The following TSNARE1 variants were observed in gnomAD, a reference collection of about 807,000 sequenced individuals.
The protein encoded by TSNARE1 is t-SNARE domain-containing protein 1.
In TSNARE1, 49 loss-of-function variants were observed where a neutral mutation model predicts 62.0. The observed-to-expected ratio is 0.79, with a 90% confidence interval of 0.63 to 1.00. The LOEUF is 1.00. Among genes scored for constraint, TSNARE1 ranks in the 50% least tolerant of loss-of-function variants. The pLI, the probability that TSNARE1 is intolerant of heterozygous loss-of-function variation, is 0.00. For missense variants in TSNARE1, 755 were observed against 700.1 expected (o/e 1.08, Z -0.88); for synonymous variants, 328 against 294.4 (o/e 1.11, Z -1.17).
intron 11 of TSNARE1, chr8:142,276,426 GGCCCGGGCAATGCCCCGCTCACGT>G: frequency 1.0e-6 from 1 of 985,470 alleles, no homozygotes; most frequent in African/African-American, 1.7e-5. Flanking sequence ...CGCTAGCCTG[GGCCCGGGCAATGCCCCGCTCACGT>G]GCAAAGGAGC....
At chr8:142,345,062 A>AC in intron 3 of TSNARE1, among the ~76,000 whole-genome samples, 1 of 151,888 alleles carries the variant, frequency 6.6e-6, no homozygotes, top group East Asian at 1.9e-4. Context: ...CGGCAGCCTC[A>AC]CCCCCCTACC....
intron 1 of TSNARE1, among the ~76,000 whole-genome samples, chr8:142,365,139 A>C (rs573475026): frequency 1.7e-4 from 26 of 152,360 alleles, no homozygotes; most frequent in African/African-American, 5.8e-4. Flanking sequence ...GCCATGGGAC[A>C]AGCCAGCACC....
intron 6 of TSNARE1, among the ~76,000 whole-genome samples, chr8:142,325,255 G>T (rs1337625273): frequency 6.6e-6 from 1 of 152,206 alleles, no homozygotes; most frequent in East Asian, 1.9e-4. Context: ...GTCTACAGTT[G>T]TCAGGGTCAT....
At chr8:142,392,337 AG>A (rs935112260) in intron 1 of TSNARE1, among the ~76,000 whole-genome samples, 3 of 152,148 alleles carry the variant, frequency 2.0e-5, no homozygotes, top group Admixed American at 6.5e-5. Context: ...TTTTTTAATA[AG>A]TAAAAGGAGT....
In TSNARE1 at chr8:142,279,896, G is replaced by A. The variant is rs1044128092; in HGVS notation, c.1363+4517C>T. 1.3e-4 allele frequency: 133 copies of A among 1,039,538 alleles called. No homozygotes were observed. In the Middle Eastern group the frequency reaches 2.9e-3, roughly 22 times the overall value. 64.4% of individuals were successfully genotyped at this position (1,039,538 alleles called of 1,614,324 possible). On this transcript the variant is annotated intron_variant, in intron 11 of 13. Coordinates refer to ENST00000524325, the MANE Select transcript of TSNARE1 (RefSeq NM_145003.5). ...TCCGTGGTCTGGCCCTCGCCTTGGG[G>A]ACCGTGGGCAGAAAAGGTCTCTGCC...
chr8:142,381,633 GCAGCAC>G (rs1836756660), intron 1 of TSNARE1, among the ~76,000 whole-genome samples: 1 of 152,174 alleles, frequency 6.6e-6, no homozygotes, highest in Non-Finnish European at 1.5e-5. Flanking sequence ...CAGGAGAAGG[GCAGCAC>G]CCAGGGGAGC....
intron 13 of TSNARE1, among the ~76,000 whole-genome samples, chr8:142,215,341 C>T (rs986177258): frequency 3.9e-5 from 6 of 152,172 alleles, no homozygotes; most frequent in African/African-American, 7.2e-5. Context: ...CTCAACACAA[C>T]GCAGTGTCCT....
At chr8:142,332,829 CAG>C (rs955451758) in intron 4 of TSNARE1, among the ~76,000 whole-genome samples, 21 of 152,186 alleles carry the variant, frequency 1.4e-4, no homozygotes, top group African/African-American at 4.6e-4. Flanking sequence ...AGGGTTTACA[CAG>C]AGGAGCAGAG....
At chr8:142,382,407 C>T (rs1211549173) in intron 1 of TSNARE1, among the ~76,000 whole-genome samples, 2 of 152,216 alleles carry the variant, frequency 1.3e-5, no homozygotes, top group Non-Finnish European at 2.9e-5. Flanking sequence ...CCCCGGGAGG[C>T]CGGCCTCTGC....
chr8:142,347,081 C>G (rs7838124), intron 2 of TSNARE1, among the ~76,000 whole-genome samples: 42,524 of 152,232 alleles, frequency 0.28, 7,741 homozygotes, highest in African/African-American at 0.51. Context: ...CTGCTCTGGA[C>G]TGGGGCACGC....
intron 10 of TSNARE1, among the ~76,000 whole-genome samples, chr8:142,293,576 G>A (rs865977212): frequency 6.6e-6 from 1 of 152,226 alleles, no homozygotes; most frequent in Non-Finnish European, 1.5e-5. Flanking sequence ...CTGAGCCTGG[G>A]ATCCTGGACC....
intron 1 of TSNARE1, among the ~76,000 whole-genome samples, chr8:142,393,789 C>T (rs76844160): frequency 0.022 from 3,293 of 152,310 alleles, 55 homozygotes; most frequent in Non-Finnish European, 0.033. Context: ...GCAAAGGTGG[C>T]CGGTTCACAG....
intron 1 of TSNARE1, among the ~76,000 whole-genome samples, chr8:142,367,746 TATAA>T (rs1278112096): frequency 6.6e-6 from 1 of 152,094 alleles, no homozygotes; most frequent in Non-Finnish European, 1.5e-5. Context: ...TGCATGAAAA[TATAA>T]ATAGACCAAT....
intron 13 of TSNARE1, among the ~76,000 whole-genome samples, chr8:142,227,935 G>C (rs1331367682): frequency 6.6e-6 from 1 of 152,200 alleles, no homozygotes; most frequent in Non-Finnish European, 1.5e-5. Flanking sequence ...CTCAAGTAGG[G>C]CAGCCTTGAG....
Position 142,278,673 on chromosome 8 carries a change from G to A in TSNARE1, c.1364-3810C>T, listed in dbSNP as rs568444501. ...CCAGTGGCAGCTGCGGGCTGCAGAC[G>A]AGGCCTGACCAGACAGAAACGCCTG... On this transcript the variant is annotated intron_variant, in intron 11 of 13. Transcript: ENST00000524325. The A allele has an allele frequency of 4.6e-3, 4,530 of 985,426 alleles. 8 individuals carry two copies. Among genetic ancestry groups the A allele is most frequent in the Non-Finnish European group, 5.0e-3 (4,182 of 829,926 alleles). 61.0% of individuals were successfully genotyped at this position (985,426 alleles called of 1,614,324 possible). A position where few individuals can be genotyped will look rare whatever the true frequency, so the allele number is the denominator to read the frequency against.
intron 11 of TSNARE1, among the ~76,000 whole-genome samples, chr8:142,280,668 T>C (rs977847825): frequency 1.3e-5 from 2 of 152,200 alleles, no homozygotes; most frequent in Non-Finnish European, 2.9e-5. Flanking sequence ...CTGATCAATC[T>C]GTCACTGGGA....
chr8:142,243,993 T>G (rs972909715), intron 12 of TSNARE1, among the ~76,000 whole-genome samples: 4 of 151,980 alleles, frequency 2.6e-5, no homozygotes, highest in Non-Finnish European at 4.4e-5. Context: ...CGAGACCATC[T>G]GGCTAACACG....
At chr8:142,237,164 C>T (rs1386853072) in intron 12 of TSNARE1, among the ~76,000 whole-genome samples, 4 of 152,192 alleles carry the variant, frequency 2.6e-5, no homozygotes, top group African/African-American at 4.8e-5. Context: ...TCCTGCGGCC[C>T]GACTCACCTG....
chr8:142,391,456 C>T (rs146575328), intron 1 of TSNARE1, among the ~76,000 whole-genome samples: 3 of 152,324 alleles, frequency 2.0e-5, no homozygotes, highest in East Asian at 3.9e-4. Flanking sequence ...AAAATAGACA[C>T]GGTCCCCACT....
Sources: gnomAD v4.1 joint callset for allele counts (sites outside exome capture counted in the v4.1 genomes callset) on GRCh38, gnomAD v4.1.1 for gene constraint, MANE v1.5 for transcripts, NCBI Gene and HGNC (gene_info 2026-07-23, HGNC 2026-07-21) for gene names.